Variants in ZEB2 observed in about 807,000 individuals in gnomAD.
ZEB2 encodes zinc finger E-box binding homeobox 2.
Under a neutral mutation model 99.9 loss-of-function variants are expected in ZEB2, and 6 were observed. The ratio of observed to expected loss-of-function variants is 0.06; its 90% CI spans 0.03 to 0.12. The LOEUF (loss-of-function observed/expected upper bound fraction) is 0.12. ZEB2 is among the 10% of genes least tolerant of loss of function. The pLI is 1.00. For missense variants in ZEB2, 969 were observed against 1,502.8 expected, an observed-to-expected ratio of 0.64 and a Z score of 5.87; for synonymous variants, 517 against 542.5, an observed-to-expected ratio of 0.95 and a Z score of 0.65.
At chr2:144,486,064 T>C (rs1343635406) in intron 2 of ZEB2, among the ~76,000 whole-genome samples, 1 of 152,250 alleles carries the variant, frequency 6.6e-6, no homozygotes, top group East Asian at 1.9e-4. Context: ...TTTATACCAA[T>C]AGTGACATAT....
At chr2:144,502,532 G>T (rs889440560) in intron 2 of ZEB2, among the ~76,000 whole-genome samples, 1 of 152,070 alleles carries the variant, frequency 6.6e-6, no homozygotes, top group South Asian at 2.1e-4. Context: ...CCCACTGCGC[G>T]TTCCTTCAAG....
intron 2 of ZEB2, among the ~76,000 whole-genome samples, chr2:144,453,919 G>A (rs1274110594): frequency 1.3e-5 from 2 of 152,160 alleles, no homozygotes; most frequent in African/African-American, 2.4e-5. Context: ...TCATAATAGT[G>A]GTGACATTTA....
intron 8 of ZEB2, among the ~76,000 whole-genome samples, chr2:144,396,905 C>G (rs1433756939): frequency 6.6e-6 from 1 of 152,070 alleles, no homozygotes; most frequent in African/African-American, 2.4e-5. Context: ...CCAAGAAATA[C>G]CCATAAGTGA....
chr2:144,426,899 T>G (rs540020474), intron 3 of ZEB2: 1 of 152,302 alleles, frequency 6.6e-6, no homozygotes, highest in South Asian at 2.1e-4. Flanking sequence ...TATGCCTATT[T>G]AATTAAGTTT....
chr2:144,505,264 C>T (rs1704936521), intron 2 of ZEB2, among the ~76,000 whole-genome samples: 1 of 147,146 alleles, frequency 6.8e-6, no homozygotes. Flanking sequence ...AAAATTTTGT[C>T]TGTGTTGCAC....
At chr2:144,443,078 G>C (rs1381579947) in intron 2 of ZEB2, among the ~76,000 whole-genome samples, 1 of 152,048 alleles carries the variant, frequency 6.6e-6, no homozygotes, top group East Asian at 1.9e-4. Context: ...TTCAAACTTA[G>C]ATCCTTGGGG....
At chr2:144,492,505 C>T (rs1573797764) in intron 2 of ZEB2, among the ~76,000 whole-genome samples, 1 of 152,220 alleles carries the variant, frequency 6.6e-6, no homozygotes, top group Admixed American at 6.5e-5. Flanking sequence ...TTATGAGAAG[C>T]AGAGATGCAG....
At chr2:144,452,797 A>G (rs1704071961) in intron 2 of ZEB2, among the ~76,000 whole-genome samples, 1 of 152,150 alleles carries the variant, frequency 6.6e-6, no homozygotes, top group South Asian at 2.1e-4. Context: ...TTCCCCTTAA[A>G]GAGAAAGAGA....
chr2:144,398,214 T>C (rs1267484286), intron 8 of ZEB2, 87 bp downstream of exon 8: 1 of 1,548,804 alleles, frequency 6.5e-7, no homozygotes, highest in African/African-American at 1.4e-5. Context: ...CTGAGTTTTT[T>C]CACTAAGATT....
intron 2 of ZEB2, among the ~76,000 whole-genome samples, chr2:144,479,074 C>T (rs766360420): frequency 1.3e-5 from 2 of 152,198 alleles, no homozygotes; most frequent in Non-Finnish European, 2.9e-5. Context: ...AATCAAACGT[C>T]ATTTCCAACT....
intron 2 of ZEB2, among the ~76,000 whole-genome samples, chr2:144,517,015 C>G (rs1211667720): frequency 6.7e-6 from 1 of 149,608 alleles, no homozygotes; most frequent in African/African-American, 2.4e-5. Context: ...GGCAGCGGGG[C>G]TGGGGGCGCG....
At chr2:144,431,979 A>G (rs1703778388) in intron 2 of ZEB2, among the ~76,000 whole-genome samples, 1 of 150,136 alleles carries the variant, frequency 6.7e-6, no homozygotes, top group Non-Finnish European at 1.5e-5. Context: ...CTGGACAGGC[A>G]TTAAAAGGCC....
At chr2:144,433,615 T>C (rs961106142) in intron 2 of ZEB2, among the ~76,000 whole-genome samples, 38 of 152,304 alleles carry the variant, frequency 2.5e-4, no homozygotes, top group African/African-American at 8.7e-4. Flanking sequence ...GCATATGCAT[T>C]ACTAAAAGCC....
intron 2 of ZEB2, among the ~76,000 whole-genome samples, chr2:144,441,832 T>C (rs1573753956): frequency 6.6e-6 from 1 of 152,228 alleles, no homozygotes; most frequent in South Asian, 2.1e-4. Context: ...ATAAATTTTA[T>C]TCATTCTCTG....
intron 4 of ZEB2, among the ~76,000 whole-genome samples, chr2:144,407,965 A>G (rs539074963): frequency 2.0e-5 from 3 of 152,316 alleles, no homozygotes; most frequent in East Asian, 1.9e-4. Flanking sequence ...TGCAAATTCA[A>G]TTGGATTTGC....
chr2:144,411,095 A>ATATATG (rs1178415157), intron 4 of ZEB2, among the ~76,000 whole-genome samples: 1 of 105,594 alleles, frequency 9.5e-6, no homozygotes. Flanking sequence ...ATATATATAT[A>ATATATG]TATATGTATA....
At chr2:144,420,379 C>T (rs1703603532) in intron 4 of ZEB2, among the ~76,000 whole-genome samples, 1 of 152,074 alleles carries the variant, frequency 6.6e-6, no homozygotes, top group Non-Finnish European at 1.5e-5. Context: ...ATGGGCCAGA[C>T]CACCACAACT....
In ZEB2 at chr2:144,429,961, C is replaced by A. The variant is rs730881184; in HGVS notation, c.139G>T (p.Ala47Ser). Reference sequence around the variant, plus strand: ...GGGTTGGCAATACCGTCATCCTCAGCAATATGAAGCTTGTCTTCCTCATCT... The same window carrying A: ...GGGTTGGCAATACCGTCATCCTCAGAAATATGAAGCTTGTCTTCCTCATCT... Reference protein sequence around the residue: ...ETDEEDKLHIAEDDGIANPLD... With the variant: ...ETDEEDKLHISEDDGIANPLD... The change falls in exon 3 of 10, where the codon GCT becomes TCT. Residue 47 changes from alanine (A) to serine (S), a missense_variant. Around this residue, in one of 8 missense-constraint regions of ZEB2, gnomAD observed 173 missense variants for 217.7 expected, o/e 0.79. Coordinates refer to ENST00000627532, the MANE Select transcript of ZEB2 (RefSeq NM_014795.4). 6 of 1,613,838 alleles carry A rather than the reference C, an allele frequency of 3.7e-6. No homozygotes were observed. The Admixed American group carries it at 1.0e-4, about 27-fold the overall frequency.
rs958594486 is a variant in ZEB2 at position 144,386,629 on chromosome 2, A to T, written c.*2822T>A. On this transcript the variant is annotated 3_prime_UTR_variant, in exon 10 of 10. Transcript: ENST00000627532. Reference sequence around the variant, plus strand: ...TGCACATTCATTGTTTGTTGGTCCTATCTCTTGTGGATTGGGACACAGATA... The same window carrying T: ...TGCACATTCATTGTTTGTTGGTCCTTTCTCTTGTGGATTGGGACACAGATA... 6.6e-6 allele frequency: 1 copy of T among 152,160 alleles called. No homozygotes were observed. Among genetic ancestry groups the T allele is most frequent in the Admixed American group, 6.5e-5 (1 of 15,276 alleles). 9.4% of individuals were successfully genotyped at this position (152,160 alleles called of 1,614,324 possible).
Sources: gnomAD v4.1 joint callset for allele counts (sites outside exome capture counted in the v4.1 genomes callset) on GRCh38, gnomAD v4.1.1 for gene constraint, gnomAD v4.1.1 regional missense constraint, MANE v1.5 for transcripts, NCBI Gene and HGNC (gene_info 2026-07-23, HGNC 2026-07-21) for gene names.